The following CCDC7 variants were observed in gnomAD, a reference collection of about 807,000 sequenced individuals.
CCDC7 encodes coiled-coil domain containing 7.
In CCDC7, 183 loss-of-function variants were observed where a neutral mutation model predicts 196.9. That is an observed-to-expected ratio of 0.93 (90% CI 0.82 to 1.05). CCDC7 has a LOEUF of 1.05. Among genes scored for constraint, CCDC7 ranks in the 50% least tolerant of loss-of-function variants. The pLI is 0.00. For synonymous variants in CCDC7, 525 were observed against 484.6 expected (o/e 1.08, Z -1.10); for missense variants, 1,540 against 1,482.2 (o/e 1.04, Z -0.64).
chr10:32,829,289 G>A (rs1047581064), intron 32 of CCDC7, among the ~76,000 whole-genome samples: 1 of 152,160 alleles, frequency 6.6e-6, no homozygotes, highest in Admixed American at 6.5e-5. Context: ...GCCTGCTGAG[G>A]TGCTTGCTGA....
chr10:32,599,281 C>T (rs1311678808), intron 18 of CCDC7, among the ~76,000 whole-genome samples: 1 of 151,142 alleles, frequency 6.6e-6, no homozygotes, highest in Non-Finnish European at 1.5e-5. Flanking sequence ...CCTTCACTTT[C>T]AATATTTTTG....
chr10:32,631,437 T>C (rs1418250211), intron 18 of CCDC7, among the ~76,000 whole-genome samples: 1 of 152,194 alleles, frequency 6.6e-6, no homozygotes, highest in East Asian at 1.9e-4. Flanking sequence ...CTTAGTGCTC[T>C]TGTAGAAAAA....
intron 11 of CCDC7, among the ~76,000 whole-genome samples, chr10:32,528,403 C>G (rs188011837): frequency 5.8e-4 from 85 of 145,778 alleles, no homozygotes; most frequent in African/African-American, 1.8e-3. Flanking sequence ...CCCTCACCCC[C>G]CTCTTATCCT....
intron 25 of CCDC7, among the ~76,000 whole-genome samples, chr10:32,718,520 C>T (rs2081952690): frequency 6.6e-6 from 1 of 151,540 alleles, no homozygotes; most frequent in African/African-American, 2.4e-5. Flanking sequence ...AAGTTCTGGC[C>T]AGGGCAATTA....
chr10:32,583,034 C>T, exon 17 of CCDC7: 1 of 1,230,676 alleles, frequency 8.1e-7, no homozygotes, highest in East Asian at 3.2e-5. Context: ...AATTCTAAAG[C>T]TCAGAGAAGA....
intron 28 of CCDC7, among the ~76,000 whole-genome samples, chr10:32,760,859 T>C (rs2077358259): frequency 6.6e-6 from 1 of 151,416 alleles, no homozygotes; most frequent in South Asian, 2.1e-4. Flanking sequence ...ACAAGACAAA[T>C]TGAAATGGAA....
chr10:32,705,821 A>C (rs369615966), intron 24 of CCDC7, among the ~76,000 whole-genome samples: 60 of 152,134 alleles, frequency 3.9e-4, no homozygotes, highest in African/African-American at 1.4e-3. Context: ...TCATAAAGAA[A>C]GCCCTTAGAG....
chr10:32,521,914 A>C (rs1305976839), intron 11 of CCDC7, among the ~76,000 whole-genome samples: 1 of 152,116 alleles, frequency 6.6e-6, no homozygotes, highest in African/African-American at 2.4e-5. Context: ...TCATGAAGGG[A>C]TGTTGAACTT....
At chr10:32,580,948 T>C (rs1471514718) in intron 16 of CCDC7, among the ~76,000 whole-genome samples, 1 of 152,124 alleles carries the variant, frequency 6.6e-6, no homozygotes, top group East Asian at 1.9e-4. Context: ...TTCAATGACA[T>C]TTTCCATTTT....
At chr10:32,456,514 G>T (rs989445700) in intron 3 of CCDC7, among the ~76,000 whole-genome samples, 180 bp downstream of exon 4, 1 of 151,610 alleles carries the variant, frequency 6.6e-6, no homozygotes, top group East Asian at 1.9e-4. Flanking sequence ...CATCATCAAG[G>T]GTTTTTACTA....
chr10:32,563,260 A>T (rs1004696282), intron 13 of CCDC7, among the ~76,000 whole-genome samples: 5 of 152,180 alleles, frequency 3.3e-5, no homozygotes, highest in Admixed American at 2.6e-4. Context: ...ATCCCCATCC[A>T]GCTACCAATG....
intron 11 of CCDC7, among the ~76,000 whole-genome samples, chr10:32,535,056 G>A (rs1166303421): frequency 2.0e-5 from 3 of 151,492 alleles, no homozygotes; most frequent in African/African-American, 7.3e-5. Flanking sequence ...AATGTGAGGA[G>A]GGGCATCATG....
At chr10:32,611,317 A>G (rs1358734563) in intron 18 of CCDC7, among the ~76,000 whole-genome samples, 4 of 152,108 alleles carry the variant, frequency 2.6e-5, no homozygotes, top group African/African-American at 9.7e-5. Context: ...GATTCTGGGT[A>G]TTAGTCCTTT....
At chr10:32,469,527 C>T (rs936576003) in intron 5 of CCDC7, among the ~76,000 whole-genome samples, 6 of 152,284 alleles carry the variant, frequency 3.9e-5, no homozygotes, top group African/African-American at 1.4e-4. Flanking sequence ...TAGGAATCTG[C>T]CCTCTGTGAT....
At chr10:32,691,496 A>G (rs1215070024) in intron 23 of CCDC7, among the ~76,000 whole-genome samples, 2 of 152,154 alleles carry the variant, frequency 1.3e-5, no homozygotes, top group South Asian at 2.1e-4. Flanking sequence ...TGCTTTTTCT[A>G]TGCCCAGAAA....
At chr10:32,667,521 T>C (rs901945940) in intron 21 of CCDC7, among the ~76,000 whole-genome samples, 1 of 152,216 alleles carries the variant, frequency 6.6e-6, no homozygotes, top group Non-Finnish European at 1.5e-5. Context: ...TTTAAGTCTT[T>C]AATCCACGTG....
chr10:32,634,229 A>G (rs1387793685), intron 18 of CCDC7, 25 bp from the exon 20 acceptor site: 1 of 1,017,676 alleles, frequency 9.8e-7, no homozygotes, highest in Non-Finnish European at 1.3e-6. Context: ...TCTATTTGGT[A>G]GACTAAATGA....
intron 28 of CCDC7, among the ~76,000 whole-genome samples, chr10:32,746,835 T>TGTGCACA (rs1458932385): frequency 6.6e-6 from 1 of 152,202 alleles, no homozygotes; most frequent in African/African-American, 2.4e-5. Flanking sequence ...TTTGCCAGCA[T>TGTGCACA]GTGCACATGG....
At chr10:32,676,569 A>T (rs979547311) in intron 21 of CCDC7, among the ~76,000 whole-genome samples, 20 of 152,228 alleles carry the variant, frequency 1.3e-4, no homozygotes, top group Non-Finnish European at 2.5e-4. Flanking sequence ...GGACATGAGC[A>T]AACACTTCTC....
Sources: allele counts gnomAD v4.1 joint callset (sites outside exome capture counted in the v4.1 genomes callset), GRCh38; gene constraint gnomAD v4.1.1; transcripts MANE v1.5; gene names NCBI Gene and HGNC (gene_info 2026-07-23, HGNC 2026-07-21).